SHISA9: variants seen among roughly 807,000 people sequenced by gnomAD.
SHISA9 encodes shisa family member 9.
In SHISA9, 13 loss-of-function variants were observed where a neutral mutation model predicts 38.0. The ratio of observed to expected loss-of-function variants is 0.34; its 90% confidence interval spans 0.22 to 0.54. The LOEUF is 0.54. Ranked by LOEUF, SHISA9 falls within the 20% of genes least tolerant of loss-of-function variation. SHISA9 has a pLI of 0.91. For missense variants in SHISA9, 538 were observed against 575.8 expected (o/e 0.93, Z 0.67); for synonymous variants, 275 against 242.0 (o/e 1.14, Z -1.27).
At chr16:13,016,416 G>C (rs1287416470) in intron 2 of SHISA9, among the ~76,000 whole-genome samples, 1 of 152,156 alleles carries the variant, frequency 6.6e-6, no homozygotes, top group Non-Finnish European at 1.5e-5. Context: ...CTTTGAACAG[G>C]GGAATAGAGA....
the SHISA9 span, among the ~76,000 whole-genome samples, chr16:13,525,336 C>CTG: frequency 6.6e-6 from 1 of 152,110 alleles, no homozygotes; most frequent in Non-Finnish European, 1.5e-5. Flanking sequence ...AAGAAAGGCT[C>CTG]TGTCTTAGAC....
chr16:13,389,268 C>T, the SHISA9 span, among the ~76,000 whole-genome samples: 124,312 of 152,156 alleles, frequency 0.82, 50,915 homozygotes, highest in East Asian at 0.96. Context: ...AGCTGTTTAC[C>T]CTCTCTGTAG....
the SHISA9 span, among the ~76,000 whole-genome samples, chr16:13,434,967 C>T: frequency 6.6e-6 from 1 of 152,132 alleles, no homozygotes; most frequent in African/African-American, 2.4e-5. Flanking sequence ...GCCTTTGGGG[C>T]TTAATTAATA....
At chr16:13,297,566 A>T in the SHISA9 span, among the ~76,000 whole-genome samples, 1 of 152,176 alleles carries the variant, frequency 6.6e-6, no homozygotes, top group African/African-American at 2.4e-5. Flanking sequence ...ATTTAGGAGA[A>T]GGGATTCCCA....
At chr16:13,014,295 T>C (rs527349316) in intron 2 of SHISA9, among the ~76,000 whole-genome samples, 9 of 152,338 alleles carry the variant, frequency 5.9e-5, no homozygotes, top group East Asian at 1.9e-4. Context: ...GCTTCAGGAC[T>C]CACTGGAGTG....
chr16:13,462,113 GA>G, the SHISA9 span, among the ~76,000 whole-genome samples: 1 of 149,998 alleles, frequency 6.7e-6, no homozygotes, highest in Non-Finnish European at 1.5e-5. Flanking sequence ...TCTGCTTAAA[GA>G]AAAAAAAATA....
At chr16:13,009,098 AT>A (rs11294823) in intron 2 of SHISA9, among the ~76,000 whole-genome samples, 32,299 of 146,176 alleles carry the variant, frequency 0.22, 3,880 homozygotes, top group Middle Eastern at 0.36. Context: ...GTGTGTGTGT[AT>A]TTTTTTTTTT....
chr16:13,140,478 A>G (rs4781418), intron 2 of SHISA9, among the ~76,000 whole-genome samples: 62,320 of 151,866 alleles, frequency 0.41, 14,542 homozygotes, highest in Middle Eastern at 0.51. Context: ...CACCTGGCCA[A>G]TGGTACTCCT....
At chr16:13,384,365 C>G in the SHISA9 span, among the ~76,000 whole-genome samples, 1 of 152,190 alleles carries the variant, frequency 6.6e-6, no homozygotes, top group Non-Finnish European at 1.5e-5. Context: ...TATAAAATAG[C>G]TGTGGTAACT....
the SHISA9 span, among the ~76,000 whole-genome samples, chr16:13,300,555 C>T: frequency 3.3e-4 from 50 of 152,072 alleles, no homozygotes; most frequent in African/African-American, 1.1e-3. Context: ...CAGAACTGGG[C>T]GATTATTGAA....
At chr16:12,911,187 A>G (rs1238002939) in intron 1 of SHISA9, 6 of 909,980 alleles carry the variant, frequency 6.6e-6, no homozygotes, top group Non-Finnish European at 7.9e-6. Context: ...GCACGATCTC[A>G]GGCCCCACCT....
the SHISA9 span, among the ~76,000 whole-genome samples, chr16:13,381,922 A>G: frequency 6.6e-6 from 1 of 152,216 alleles, no homozygotes; most frequent in Non-Finnish European, 1.5e-5. Flanking sequence ...GGTAAATGAC[A>G]TGAAGAGAGT....
the SHISA9 span, among the ~76,000 whole-genome samples, chr16:13,418,823 G>A: frequency 2.6e-5 from 4 of 152,198 alleles, no homozygotes; most frequent in Non-Finnish European, 5.9e-5. Flanking sequence ...TGATTGCACT[G>A]ATACCCTCAG....
At chr16:13,304,389 A>G in the SHISA9 span, among the ~76,000 whole-genome samples, 55 of 152,176 alleles carry the variant, frequency 3.6e-4, no homozygotes, top group African/African-American at 1.3e-3. Flanking sequence ...CCTCCCAAGT[A>G]TCTGTGATTA....
chr16:13,471,239 C>G, the SHISA9 span, among the ~76,000 whole-genome samples: 1 of 152,106 alleles, frequency 6.6e-6, no homozygotes, highest in East Asian at 1.9e-4. Flanking sequence ...ATGGAACTGT[C>G]CGCCACAGCA....
At chr16:13,262,916 A>G in the SHISA9 span, among the ~76,000 whole-genome samples, 1 of 152,070 alleles carries the variant, frequency 6.6e-6, no homozygotes, top group Non-Finnish European at 1.5e-5. Flanking sequence ...TTCCTTCTAA[A>G]TCACTCTCCC....
chr16:13,113,576 GA>G (rs2074000999), intron 2 of SHISA9, among the ~76,000 whole-genome samples: 1 of 152,216 alleles, frequency 6.6e-6, no homozygotes, highest in Admixed American at 6.5e-5. Flanking sequence ...GAAGTTCTGG[GA>G]AAATTGTCTT....
At chr16:13,437,864 CTTTTTTTTTTTT>C in the SHISA9 span, among the ~76,000 whole-genome samples, 11 of 104,490 alleles carry the variant, frequency 1.1e-4, no homozygotes, top group Admixed American at 1.2e-3. Context: ...CTTTTTTTTT[CTTTTTTTTTTTT>C]TTTTTTGAGA....
At chr16:13,318,093 C>T in the SHISA9 span, among the ~76,000 whole-genome samples, 1 of 150,912 alleles carries the variant, frequency 6.6e-6, no homozygotes, top group African/African-American at 2.4e-5. Flanking sequence ...CTGTATCATT[C>T]ATGAATTTAT....
Sources: gnomAD v4.1 joint callset for allele counts (sites outside exome capture counted in the v4.1 genomes callset) on GRCh38, gnomAD v4.1.1 for gene constraint, MANE v1.5 for transcripts, NCBI Gene and HGNC (gene_info 2026-07-23, HGNC 2026-07-21) for gene names.